SLC25A21: variants seen among roughly 807,000 people sequenced by gnomAD.
SLC25A21 encodes the protein solute carrier family 25 member 21.
A neutral mutation model predicts 43.8 loss-of-function variants in SLC25A21; 47 were observed. The observed-to-expected ratio is 1.07, with a 90% CI of 0.85 to 1.37. SLC25A21 has a LOEUF of 1.37. Ranked by LOEUF, SLC25A21 falls within the 40% of genes most tolerant of loss-of-function variation. The pLI is 0.00. For synonymous variants in SLC25A21, 131 were observed against 121.3 expected, an observed-to-expected ratio of 1.08 and a Z score of -0.52; for missense variants, 352 against 350.2, an observed-to-expected ratio of 1.00 and a Z score of -0.04.
At chr14:36,973,658 T>C (rs951358259) in intron 1 of SLC25A21, among the ~76,000 whole-genome samples, 6 of 152,224 alleles carry the variant, frequency 3.9e-5, no homozygotes, top group African/African-American at 1.2e-4. Context: ...GAAAACATTA[T>C]ATAAGACAAT....
intron 7 of SLC25A21, among the ~76,000 whole-genome samples, chr14:36,704,592 G>C (rs1021440586): frequency 5.3e-5 from 8 of 151,142 alleles, no homozygotes; most frequent in Admixed American, 2.0e-4. Context: ...GGGAGGCGGA[G>C]GTTGCAGTGA....
At chr14:36,991,451 G>A (rs1960261812) in intron 1 of SLC25A21, among the ~76,000 whole-genome samples, 1 of 152,156 alleles carries the variant, frequency 6.6e-6, no homozygotes. Context: ...TGGGTAACAT[G>A]GACTTCAGAG....
At chr14:36,810,005 G>C (rs941533438) in intron 3 of SLC25A21, among the ~76,000 whole-genome samples, 2 of 152,032 alleles carry the variant, frequency 1.3e-5, no homozygotes, top group African/African-American at 4.8e-5. Context: ...CTTCTCTTTC[G>C]TTTCTTTTTT....
At chr14:37,152,292 T>A (rs771460792) in intron 1 of SLC25A21, among the ~76,000 whole-genome samples, 1 of 152,112 alleles carries the variant, frequency 6.6e-6, no homozygotes, top group Non-Finnish European at 1.5e-5. Flanking sequence ...AAATGATAAT[T>A]TGTTTGAAGG....
chr14:36,735,411 T>C (rs1884989991), intron 3 of SLC25A21, among the ~76,000 whole-genome samples: 1 of 151,874 alleles, frequency 6.6e-6, no homozygotes, highest in East Asian at 1.9e-4. Context: ...CCTTAAAATA[T>C]ATAAATAGAA....
chr14:37,145,044 G>A (rs528848402), intron 1 of SLC25A21, among the ~76,000 whole-genome samples: 126 of 152,242 alleles, frequency 8.3e-4, no homozygotes, highest in African/African-American at 2.9e-3. Flanking sequence ...CATTCAGGAA[G>A]TGCTAGTCAC....
chr14:37,012,414 C>G (rs1566814045), intron 1 of SLC25A21, among the ~76,000 whole-genome samples: 1 of 152,142 alleles, frequency 6.6e-6, no homozygotes, highest in African/African-American at 2.4e-5. Flanking sequence ...AATTCTGTCT[C>G]AAGCTCCCTT....
Position 36,678,616 on chromosome 14 carries a change from T to G in SLC25A21, c.*2042A>C. On this transcript the variant is annotated 3_prime_UTR_variant, in exon 10 of 10. Transcript: ENST00000331299. ...AAAACTGATGTAAGGTACAGAACTA[T>G]TCTTTATCAAATGTTTTTAGGTGGC... 1.5e-6 allele frequency: 2 copies of G among 1,335,102 alleles called. No homozygotes were observed. The highest frequency in any genetic ancestry group is 4.7e-5 in the South Asian group (2 of 42,196). The allele number at this position is 1,335,102 out of a possible 1,614,324, so 82.7% of individuals were successfully genotyped here.
intron 1 of SLC25A21, among the ~76,000 whole-genome samples, chr14:36,982,548 C>T (rs1762520257): frequency 6.6e-6 from 1 of 151,974 alleles, no homozygotes; most frequent in Admixed American, 6.6e-5. Context: ...ATTGGCTGTA[C>T]CGGGTGCAGT....
chr14:36,808,333 A>G (rs1398316924), intron 3 of SLC25A21, among the ~76,000 whole-genome samples: 2 of 152,178 alleles, frequency 1.3e-5, no homozygotes, highest in Non-Finnish European at 2.9e-5. Context: ...ATTATAAAGG[A>G]TGGGGCAATG....
chr14:36,778,569 G>C (rs1009318626), intron 3 of SLC25A21, among the ~76,000 whole-genome samples: 3 of 152,172 alleles, frequency 2.0e-5, no homozygotes, highest in Non-Finnish European at 4.4e-5. Context: ...CACAGGGTGG[G>C]GGTGAGGAGA....
chr14:36,782,122 T>C (rs1460105650), intron 3 of SLC25A21, among the ~76,000 whole-genome samples: 4 of 152,236 alleles, frequency 2.6e-5, no homozygotes, highest in Admixed American at 2.6e-4. Flanking sequence ...GGTTCCCTTG[T>C]ATTTGACAAA....
chr14:36,796,552 G>C (rs1454774851), intron 3 of SLC25A21, among the ~76,000 whole-genome samples: 1 of 151,940 alleles, frequency 6.6e-6, no homozygotes, highest in African/African-American at 2.4e-5. Context: ...ACCAAGATGT[G>C]TACAATAGGA....
chr14:37,029,654 T>C (rs1023548291), intron 1 of SLC25A21, among the ~76,000 whole-genome samples: 1 of 152,046 alleles, frequency 6.6e-6, no homozygotes, highest in Non-Finnish European at 1.5e-5. Flanking sequence ...TGAAATACAG[T>C]TGGCCTTTCA....
chr14:36,730,495 T>C (rs1223844641), intron 4 of SLC25A21, among the ~76,000 whole-genome samples: 1 of 152,176 alleles, frequency 6.6e-6, no homozygotes, highest in African/African-American at 2.4e-5. Flanking sequence ...TTCTACTCTA[T>C]TATTTTATAG....
chr14:36,894,503 C>T (rs1392572713), intron 1 of SLC25A21, among the ~76,000 whole-genome samples: 2 of 152,038 alleles, frequency 1.3e-5, no homozygotes, highest in Admixed American at 1.3e-4. Flanking sequence ...AATTTGACTT[C>T]CTCTTTTCCT....
At chr14:36,949,589 A>C (rs1826171705) in intron 1 of SLC25A21, among the ~76,000 whole-genome samples, 1 of 152,072 alleles carries the variant, frequency 6.6e-6, no homozygotes, top group African/African-American at 2.4e-5. Flanking sequence ...GCCTACTCAA[A>C]GGGCTTCTCC....
At chr14:36,887,180 G>A (rs1890941520) in intron 1 of SLC25A21, among the ~76,000 whole-genome samples, 1 of 149,432 alleles carries the variant, frequency 6.7e-6, no homozygotes, top group Non-Finnish European at 1.5e-5. Context: ...ATGAATATGT[G>A]AGATATGTAA....
intron 1 of SLC25A21, among the ~76,000 whole-genome samples, chr14:36,907,464 CT>C (rs1891567536): frequency 6.6e-6 from 1 of 151,878 alleles, no homozygotes; most frequent in African/African-American, 2.4e-5. Context: ...TTAAAAAAAC[CT>C]ATCAGAACTA....
Sources: allele counts gnomAD v4.1 joint callset (sites outside exome capture counted in the v4.1 genomes callset), GRCh38; gene constraint gnomAD v4.1.1; transcripts MANE v1.5; gene names NCBI Gene and HGNC (gene_info 2026-07-23, HGNC 2026-07-21).